The following TTBK2 variants were observed in gnomAD, a reference collection of about 807,000 sequenced individuals.
TTBK2 encodes tau tubulin kinase 2, also known as tau-tubulin kinase 2.
In TTBK2, 28 loss-of-function variants were observed where a neutral mutation model predicts 110.8. The observed-to-expected ratio is 0.25, with a 90% CI of 0.19 to 0.35. The LOEUF (loss-of-function observed/expected upper bound fraction) is 0.35, where lower values mean the gene tolerates loss of function less well. Ranked by LOEUF, TTBK2 falls within the 10% of genes least tolerant of loss-of-function variation. The probability of loss-of-function intolerance (pLI) is 1.00; values close to 1 mark genes in which losing one functional copy is unlikely to be tolerated. For missense variants in TTBK2, 1,369 were observed against 1,500.3 expected (o/e 0.91, Z 1.45); for synonymous variants, 532 against 527.3 (o/e 1.01, Z -0.12).
Position 42,878,583 on chromosome 15 carries a change from C to T in TTBK2, c.35G>A (p.Ser12Asn), listed in dbSNP as rs1235945753. 1.2e-5 allele frequency: 20 copies of T among 1,613,778 alleles called. No homozygotes were observed. The highest frequency in any genetic ancestry group is 1.7e-5 in the Non-Finnish European group (20 of 1,179,976). The change falls in exon 2 of 15, where the codon AGT becomes AAT. Residue 12 changes from serine (S) to asparagine (N), a missense_variant. Transcript: ENST00000267890. ...SGGGEQLDIL[S>N]VGILVKERWK... ...TCTTTCTTTCACTAGGATTCCAACA[C>T]TCAGGATATCCAGCTGCTCTCCTCC... is the stretch of plus-strand genomic sequence containing the variant.
In TTBK2 at chr15:42,817,053, T is replaced by G; in HGVS notation, c.582A>C (p.Ser194=). The G allele has an allele frequency of 6.2e-7, 1 of 1,607,206 alleles. No individual in the cohort carries two copies. The highest frequency in any genetic ancestry group is 8.5e-7 in the Non-Finnish European group (1 of 1,175,890). The change falls in exon 7 of 15, where the codon TCA becomes TCC. Residue 194 remains serine (S), a synonymous_variant. Coordinates refer to ENST00000267890, the MANE Select transcript of TTBK2 (RefSeq NM_173500.4). The stretch of plus-strand genomic sequence containing the variant: ...CTACCCTGTTCCGATGTGCGTTGAT[T>G]GATGCATAACGAACTGTCCCTCGAA... ...AGFRGTVRYA[S]INAHRNREMG... is the part of the protein sequence containing the mutation.
chr15:42,828,116 TCTATTTAA>T (rs776698884), intron 5 of TTBK2, 84 bp from the exon 6 acceptor site: 38 of 1,079,588 alleles, frequency 3.5e-5, no homozygotes, highest in Middle Eastern at 2.1e-4. Flanking sequence ...TAAGTCTTCT[TCTATTTAA>T]GCTCTATATA....
At chr15:42,870,971 C>A (rs1894592609) in intron 3 of TTBK2, among the ~76,000 whole-genome samples, 1 of 152,034 alleles carries the variant, frequency 6.6e-6, no homozygotes, top group Non-Finnish European at 1.5e-5. Flanking sequence ...TCCTTACATT[C>A]AGCCTTTTCA....
chr15:42,778,866 T>C (rs1890052465), intron 11 of TTBK2, among the ~76,000 whole-genome samples: 1 of 152,160 alleles, frequency 6.6e-6, no homozygotes, highest in Non-Finnish European at 1.5e-5. Flanking sequence ...CCAGAACATA[T>C]TTTTATACAA....
intron 4 of TTBK2, among the ~76,000 whole-genome samples, chr15:42,835,057 G>A (rs1380733378): frequency 6.6e-6 from 1 of 152,054 alleles, no homozygotes; most frequent in Non-Finnish European, 1.5e-5. Context: ...AAATATACTT[G>A]AGGATAACCT....
intron 1 of TTBK2, among the ~76,000 whole-genome samples, chr15:42,915,935 C>T (rs923037784): frequency 2.0e-5 from 3 of 151,914 alleles, no homozygotes; most frequent in Admixed American, 6.6e-5. Flanking sequence ...GAGCAAGACC[C>T]TGTCTCCAAA....
intron 1 of TTBK2, among the ~76,000 whole-genome samples, chr15:42,917,404 T>C (rs945531762): frequency 3.3e-5 from 5 of 152,140 alleles, no homozygotes; most frequent in African/African-American, 1.2e-4. Flanking sequence ...TTGACATTCA[T>C]ATTATGTTAT....
At chr15:42,854,184 C>T (rs933743820) in intron 3 of TTBK2, among the ~76,000 whole-genome samples, 1 of 152,192 alleles carries the variant, frequency 6.6e-6, no homozygotes, top group Non-Finnish European at 1.5e-5. Flanking sequence ...AGTGATCCTC[C>T]TGCCTTGGCC....
At chr15:42,913,973 T>C (rs914063199) in intron 1 of TTBK2, among the ~76,000 whole-genome samples, 2 of 151,770 alleles carry the variant, frequency 1.3e-5, no homozygotes, top group Non-Finnish European at 2.9e-5. Context: ...TTTAAGTATA[T>C]TAACTTCCTT....
rs577046772 is a variant in TTBK2, at chr15:42,746,177, C to T, written c.3353G>A (p.Gly1118Glu). The change falls in exon 15 of 15, where the codon GGA becomes GAA. Residue 1118 changes from glycine (G) to glutamate (E), a missense_variant. Gly to Glu is a moderately conservative substitution (Grantham distance 98). Transcript: ENST00000267890. ...FSRLAQILQN[G>E]SQKPRSTTQC... Reference sequence around the variant, plus strand: ...AGTAGTGCTCCGGGGTTTCTGAGATCCATTTTGAAGAATTTGGGCCAGGCG... The same window carrying T: ...AGTAGTGCTCCGGGGTTTCTGAGATTCATTTTGAAGAATTTGGGCCAGGCG... The T allele has an allele frequency of 6.2e-7, 1 of 1,614,092 alleles. No individual in the cohort carries two copies. Among genetic ancestry groups the T allele is most frequent in the Non-Finnish European group, 8.5e-7 (1 of 1,180,020 alleles).
In TTBK2 at chr15:42,745,670, A is replaced by T; in HGVS notation, c.*125T>A. On this transcript the variant is annotated 3_prime_UTR_variant, in exon 15 of 15. Transcript: ENST00000267890. ...TATTATGTCTTCTTATAAATAATTG[A>T]TCATGTTACTTTCTTTTGCAAGAGA... is the stretch of plus-strand genomic sequence containing the variant. The T allele has an allele frequency of 8.6e-7, 1 of 1,156,468 alleles. No homozygotes were observed. Among genetic ancestry groups the T allele is most frequent in the Non-Finnish European group, 1.3e-6 (1 of 773,284 alleles). 71.6% of individuals were successfully genotyped at this position (1,156,468 alleles called of 1,614,324 possible). A position where few individuals can be genotyped will look rare whatever the true frequency, so the allele number is the denominator to read the frequency against.
intron 6 of TTBK2, among the ~76,000 whole-genome samples, chr15:42,819,640 T>A (rs1052759158): frequency 1.3e-5 from 2 of 152,220 alleles, no homozygotes; most frequent in Admixed American, 1.3e-4. Flanking sequence ...TTGACAATCA[T>A]AGTCAGTGGA....
At chr15:42,842,950 G>A (rs1381372355) in intron 3 of TTBK2, among the ~76,000 whole-genome samples, 1 of 152,054 alleles carries the variant, frequency 6.6e-6, no homozygotes, top group African/African-American at 2.4e-5. Flanking sequence ...AAGAATGAAA[G>A]GATAAAATGA....
intron 1 of TTBK2, among the ~76,000 whole-genome samples, chr15:42,911,453 C>T (rs2030750976): frequency 6.6e-6 from 1 of 152,206 alleles, no homozygotes; most frequent in African/African-American, 2.4e-5. Flanking sequence ...AGAGGTAGAA[C>T]ATTCCTTTGG....
At chr15:42,850,210 G>A (rs1893640697) in intron 3 of TTBK2, among the ~76,000 whole-genome samples, 2 of 152,202 alleles carry the variant, frequency 1.3e-5, no homozygotes, top group African/African-American at 4.8e-5. Context: ...AAGAAAAAAA[G>A]AGAGAAAGAT....
chr15:42,865,530 C>T (rs1323053047), intron 3 of TTBK2, among the ~76,000 whole-genome samples: 1 of 131,354 alleles, frequency 7.6e-6, no homozygotes, highest in East Asian at 2.2e-4. Flanking sequence ...AAAAAAAAAA[C>T]CAACAACAGG....
Position 42,775,207 on chromosome 15 carries a change from T to A in TTBK2, c.1926A>T (p.Gly642=). The change falls in exon 13 of 15, where the codon GGA becomes GGT. Residue 642 remains glycine (G), a synonymous_variant. Coordinates refer to ENST00000267890, the MANE Select transcript of TTBK2 (RefSeq NM_173500.4). Reference sequence around the variant, plus strand: ...TCGCTGCAATAAACTGACTAGCAGCTCCAGGCTGGAGTTCCAGCCTATCTG... The same window carrying A: ...TCGCTGCAATAAACTGACTAGCAGCACCAGGCTGGAGTTCCAGCCTATCTG... ...QYTDRLELQP[G]AASQFIAATP... 6.2e-7 allele frequency: 1 copy of A among 1,614,228 alleles called. No individual in the cohort carries two copies. The highest frequency in any genetic ancestry group is 8.5e-7 in the Non-Finnish European group (1 of 1,180,034).
intron 1 of TTBK2, among the ~76,000 whole-genome samples, chr15:42,888,351 A>G (rs745653642): frequency 2.0e-5 from 3 of 151,918 alleles, no homozygotes; most frequent in Admixed American, 6.6e-5. Context: ...ATTATTCCTG[A>G]TACCACACCT....
intron 10 of TTBK2, among the ~76,000 whole-genome samples, chr15:42,785,353 C>T (rs571776281): frequency 3.3e-5 from 5 of 152,026 alleles, no homozygotes; most frequent in African/African-American, 1.2e-4. Flanking sequence ...ACTCCTGGCC[C>T]CAAGTGATCC....
Sources: allele counts gnomAD v4.1 joint callset (sites outside exome capture counted in the v4.1 genomes callset), GRCh38; gene constraint gnomAD v4.1.1; transcripts MANE v1.5; gene names NCBI Gene and HGNC (gene_info 2026-07-23, HGNC 2026-07-21).